The following GADL1 variants were observed in gnomAD, a reference collection of about 807,000 sequenced individuals.
The protein encoded by GADL1 is GAD like acidic amino acid decarboxylase 1, also known as acidic amino acid decarboxylase GADL1.
A neutral mutation model predicts 69.5 loss-of-function variants in GADL1; 71 were observed. The observed-to-expected ratio is 1.02, with a 90% CI of 0.84 to 1.25. The LOEUF is 1.25. Ranked by LOEUF, GADL1 falls within the 50% of genes most tolerant of loss-of-function variation. The probability of loss-of-function intolerance (pLI) is 0.00; values close to 1 mark genes in which losing one functional copy is unlikely to be tolerated. For synonymous variants in GADL1, 254 were observed against 214.4 expected (o/e 1.18, Z -1.62); for missense variants, 737 against 631.8 (o/e 1.17, Z -1.79).
rs770926872 is a variant in GADL1, at chr3:30,857,021, T to C, written c.331A>G (p.Lys111Glu). ...AGTAAATTAAAGTTCTTACTAGTTT[T>C]GACACTGTAGTGTATGACATCCCGA... The part of the protein sequence containing the change: ...LCRDVIHYSV[K>E]TNHPRFFNQL... The change falls in exon 3 of 15, where the codon AAA (lysine) becomes GAA (glutamate). Residue 111 changes from lysine to glutamate, a missense_variant. Coordinates refer to ENST00000282538, the MANE Select transcript of GADL1 (RefSeq NM_207359.3). 6.6e-5 allele frequency: 102 copies of C among 1,549,238 alleles called. No homozygotes were observed. Among genetic ancestry groups the C allele is most frequent in the Non-Finnish European group, 8.6e-5 (98 of 1,145,274 alleles).
intron 14 of GADL1, among the ~76,000 whole-genome samples, chr3:30,744,839 A>T (rs1285355540): frequency 3.3e-5 from 5 of 152,254 alleles, no homozygotes; most frequent in Admixed American, 6.5e-5. Context: ...GAGAGTGGCC[A>T]TGTTCCAATA....
intron 8 of GADL1, among the ~76,000 whole-genome samples, chr3:30,842,988 A>G (rs1031304363): frequency 1.7e-4 from 26 of 152,196 alleles, no homozygotes; most frequent in African/African-American, 6.3e-4. Context: ...CAACAACAGA[A>G]CTATAATATT....
intron 11 of GADL1, among the ~76,000 whole-genome samples, chr3:30,816,429 C>T (rs549639219): frequency 1.3e-5 from 2 of 151,084 alleles, no homozygotes; most frequent in African/African-American, 4.8e-5. Context: ...TTCCAAGCCT[C>T]ATCTCCCAGC....
Position 30,727,990 on chromosome 3 carries a change from G to A in GADL1, c.*252C>T, listed in dbSNP as rs1322551951. 1 of 363,958 alleles carries A rather than the reference G, an allele frequency of 2.7e-6. No homozygotes were observed. Among genetic ancestry groups the A allele is most frequent in the Admixed American group, 4.1e-5 (1 of 24,316 alleles). The allele number at this position is 363,958 out of a possible 1,614,324, so 22.5% of individuals were successfully genotyped here. ...TGGTACTTACTAAACTCTCTTCAGA[G>A]CTGTGTTCCAGGGGCATTCCTTGAG... On this transcript the variant is annotated 3_prime_UTR_variant, in exon 15 of 15. Transcript: ENST00000282538.
chr3:30,844,952 C>G (rs1698030302), intron 6 of GADL1, among the ~76,000 whole-genome samples: 3 of 152,132 alleles, frequency 2.0e-5, no homozygotes, highest in Admixed American at 6.5e-5. Context: ...ATCTAGTCCA[C>G]TGCTGACTTG....
chr3:30,758,526 T>A (rs1406253843), intron 14 of GADL1, among the ~76,000 whole-genome samples: 1 of 149,668 alleles, frequency 6.7e-6, no homozygotes, highest in Non-Finnish European at 1.5e-5. Context: ...GGTAACTACC[T>A]CATAGAGGGT....
intron 14 of GADL1, among the ~76,000 whole-genome samples, chr3:30,764,620 T>C (rs1044782949): frequency 2.6e-5 from 4 of 152,202 alleles, no homozygotes; most frequent in Non-Finnish European, 4.4e-5. Flanking sequence ...TGGAACACAA[T>C]AGATGCTCAA....
chr3:30,818,149 G>A (rs1697506345), intron 11 of GADL1, among the ~76,000 whole-genome samples: 2 of 152,062 alleles, frequency 1.3e-5, no homozygotes, highest in African/African-American at 4.8e-5. Flanking sequence ...CCATCCCGCT[G>A]CCCTACCAAT....
At chr3:30,753,335 T>C (rs1206252996) in intron 14 of GADL1, among the ~76,000 whole-genome samples, 1 of 152,208 alleles carries the variant, frequency 6.6e-6, no homozygotes. Context: ...ACCATGTATT[T>C]TGAATTCTAG....
chr3:30,891,950 C>A (rs533547048), intron 1 of GADL1, among the ~76,000 whole-genome samples: 2 of 152,158 alleles, frequency 1.3e-5, no homozygotes, highest in South Asian at 4.2e-4. Flanking sequence ...TAAAAGCCAG[C>A]ATTTCAACAA....
intron 12 of GADL1, among the ~76,000 whole-genome samples, chr3:30,789,407 T>C (rs1231272900): frequency 6.6e-6 from 1 of 152,202 alleles, no homozygotes; most frequent in East Asian, 1.9e-4. Context: ...TTGTTCCACT[T>C]AGAGTACAGG....
chr3:30,836,120 A>G (rs1348680692), intron 9 of GADL1, among the ~76,000 whole-genome samples: 2 of 152,002 alleles, frequency 1.3e-5, no homozygotes, highest in Non-Finnish European at 2.9e-5. Flanking sequence ...CTGAGAACCT[A>G]TCAGTGACAA....
intron 1 of GADL1, among the ~76,000 whole-genome samples, chr3:30,874,403 G>C (rs896834188): frequency 6.6e-6 from 1 of 151,904 alleles, no homozygotes. Context: ...CACTGGCCTG[G>C]GTTATTCCTC....
At chr3:30,855,929 C>CA (rs370368623) in intron 3 of GADL1, among the ~76,000 whole-genome samples, 47,539 of 123,792 alleles carry the variant, frequency 0.38, 7,979 homozygotes, top group Middle Eastern at 0.45. Context: ...TCTGATCTGG[C>CA]AAAAAAAAAA....
intron 11 of GADL1, among the ~76,000 whole-genome samples, chr3:30,813,761 TG>T (rs1464092148): frequency 6.6e-6 from 1 of 152,222 alleles, no homozygotes; most frequent in African/African-American, 2.4e-5. Context: ...TGAAGATTTG[TG>T]GGATATTACT....
At chr3:30,760,245 T>A (rs1343138962) in intron 14 of GADL1, among the ~76,000 whole-genome samples, 1 of 152,206 alleles carries the variant, frequency 6.6e-6, no homozygotes. Context: ...ATCTCCTTCG[T>A]TTCCATAGCA....
rs569972333 is a variant in GADL1, at chr3:30,726,682, G to A, written c.*1560C>T. ...ATGGAGTACGAAAAGGTTATTGAAT[G>A]TGCTAAGTCTAATGCTTTAACACTC... On this transcript the variant is annotated 3_prime_UTR_variant, in exon 15 of 15. Coordinates refer to ENST00000282538, the MANE Select transcript of GADL1 (RefSeq NM_207359.3). 1 of 152,076 alleles carries A rather than the reference G, an allele frequency of 6.6e-6. No individual in the cohort carries two copies. Among genetic ancestry groups the A allele is most frequent in the Non-Finnish European group, 1.5e-5 (1 of 68,004 alleles). 9.4% of individuals were successfully genotyped at this position (152,076 alleles called of 1,614,324 possible).
chr3:30,849,557 TG>T (rs1213858817), intron 6 of GADL1, among the ~76,000 whole-genome samples: 31 of 152,182 alleles, frequency 2.0e-4, no homozygotes, highest in African/African-American at 7.2e-4. Context: ...TGTGTGTGTG[TG>T]TTTTCATTGT....
intron 14 of GADL1, among the ~76,000 whole-genome samples, chr3:30,771,984 A>G (rs1206719985): frequency 6.6e-6 from 1 of 152,226 alleles, no homozygotes; most frequent in Non-Finnish European, 1.5e-5. Flanking sequence ...CCTAAAATCC[A>G]AAGCAGCAGC....
Sources: allele counts gnomAD v4.1 joint callset (sites outside exome capture counted in the v4.1 genomes callset), GRCh38; gene constraint gnomAD v4.1.1; transcripts MANE v1.5; gene names NCBI Gene and HGNC (gene_info 2026-07-23, HGNC 2026-07-21).